Variants in ZNF215 observed in about 807,000 individuals in gnomAD.
The protein encoded by ZNF215 is zinc finger protein 215.
Under a neutral mutation model 27.2 loss-of-function variants are expected in ZNF215, and 24 were observed. The observed-to-expected ratio is 0.88, with a 90% CI of 0.64 to 1.24. The LOEUF (loss-of-function observed/expected upper bound fraction) is 1.24. Among genes scored for constraint, ZNF215 ranks in the 50% most tolerant of loss-of-function variants. The pLI is 0.00. For missense variants in ZNF215, 675 were observed against 605.7 expected (o/e 1.11, Z -1.20); for synonymous variants, 210 against 204.0 (o/e 1.03, Z -0.25).
intron 5 of ZNF215, among the ~76,000 whole-genome samples, chr11:6,980,246 T>C (rs1213817306): frequency 1.3e-5 from 2 of 152,078 alleles, no homozygotes; most frequent in African/African-American, 4.8e-5. Flanking sequence ...ATACAGCTTA[T>C]TTTGCTACAA....
intron 6 of ZNF215, among the ~76,000 whole-genome samples, chr11:6,952,117 A>G (rs375721460): frequency 8.0e-4 from 122 of 152,018 alleles, no homozygotes; most frequent in Admixed American, 3.8e-3. Flanking sequence ...TATAATTTCT[A>G]TTCTTTTACA....
chr11:6,944,410 T>A (rs1018619321), intron 6 of ZNF215, among the ~76,000 whole-genome samples: 30 of 151,142 alleles, frequency 2.0e-4, no homozygotes, highest in African/African-American at 6.5e-4. Context: ...TTTTTTTTTT[T>A]AAACTGTATC....
intron 6 of ZNF215, among the ~76,000 whole-genome samples, chr11:6,955,417 C>G (rs1296027959): frequency 6.6e-6 from 1 of 152,168 alleles, no homozygotes; most frequent in Non-Finnish European, 1.5e-5. Context: ...TATGATATGC[C>G]ACCCGCATCC....
intron 6 of ZNF215, among the ~76,000 whole-genome samples, chr11:6,945,980 T>C (rs1452484399): frequency 6.6e-6 from 1 of 152,190 alleles, no homozygotes; most frequent in African/African-American, 2.4e-5. Flanking sequence ...TTTCCCTTTC[T>C]ACTCTTCTAT....
chr11:6,930,427 A>C (rs60372070), intron 2 of ZNF215, among the ~76,000 whole-genome samples: 14,964 of 152,196 alleles, frequency 0.098, 1,271 homozygotes, highest in African/African-American at 0.23. Flanking sequence ...CTCCAACTCT[A>C]ATCCATTATC....
chr11:6,961,203 G>A (rs577387834), downstream of ZNF215, among the ~76,000 whole-genome samples: 1 of 152,220 alleles, frequency 6.6e-6, no homozygotes, highest in South Asian at 2.1e-4. Flanking sequence ...TGCCAAGCCT[G>A]TAACTCTTAA....
downstream of ZNF215, among the ~76,000 whole-genome samples, chr11:6,986,851 A>C (rs981643117): frequency 6.6e-6 from 1 of 151,920 alleles, no homozygotes; most frequent in Middle Eastern, 3.2e-3. Flanking sequence ...AAAAACAAAA[A>C]CAAAAACAAA....
intron 6 of ZNF215, among the ~76,000 whole-genome samples, chr11:6,944,337 TAAAGA>T (rs1382383207): frequency 5.9e-5 from 9 of 151,574 alleles, no homozygotes; most frequent in African/African-American, 2.2e-4. Flanking sequence ...TTCTTTATTT[TAAAGA>T]AAAGAAGTCA....
chr11:6,991,991 T>C (rs1274399512), downstream of ZNF215, among the ~76,000 whole-genome samples: 2 of 152,172 alleles, frequency 1.3e-5, no homozygotes, highest in African/African-American at 4.8e-5. Context: ...GTCACTCTTC[T>C]TCCTTAATAG....
At chr11:6,937,833 T>G (rs1315879218) in intron 3 of ZNF215, among the ~76,000 whole-genome samples, 3 of 151,934 alleles carry the variant, frequency 2.0e-5, no homozygotes, top group Non-Finnish European at 4.4e-5. Context: ...CCTCATATCA[T>G]GTACAAAAAT....
At chr11:6,928,698 G>T (rs1455906450) in intron 2 of ZNF215, among the ~76,000 whole-genome samples, 1 of 151,912 alleles carries the variant, frequency 6.6e-6, no homozygotes, top group Admixed American at 6.6e-5. Context: ...TTTCTGTTTT[G>T]TCTTTGACAT....
chr11:6,955,927 C>G lies in ZNF215; in HGVS notation c.950C>G (p.Ser317Ter), dbSNP rs771864858. ...KKSFDINSVS[S>*]ICAIQVGIPS... ...AGCTTTGATATTAATTCAGTTAGCT[C>G]AATTTGTGCTATACAAGTGGGAATT... Residue 317 changes from serine to a stop codon, truncating the protein, a stop_gained, in exon 7 of 7, where the codon TCA becomes TGA. Transcript: ENST00000278319. LOFTEE classifies it low-confidence loss of function (END_TRUNC). The G allele has an allele frequency of 3.7e-6, 6 of 1,612,310 alleles. No homozygotes were observed. Among genetic ancestry groups the G allele is most frequent in the South Asian group, 2.2e-5 (2 of 90,526 alleles).
intron 6 of ZNF215, among the ~76,000 whole-genome samples, chr11:6,954,449 C>G (rs1190059696): frequency 6.6e-6 from 1 of 152,218 alleles, no homozygotes; most frequent in Non-Finnish European, 1.5e-5. Flanking sequence ...TGGCGGGAGC[C>G]CCTCCCCCAG....
chr11:6,978,465 C>T (rs937611421), intron 5 of ZNF215, among the ~76,000 whole-genome samples: 4 of 151,812 alleles, frequency 2.6e-5, no homozygotes, highest in Admixed American at 6.6e-5. Context: ...ATTTAGGAGC[C>T]GAGTTGAAAA....
intron 3 of ZNF215, among the ~76,000 whole-genome samples, chr11:6,935,099 A>G (rs913282508): frequency 1.3e-5 from 2 of 152,214 alleles, no homozygotes; most frequent in Non-Finnish European, 2.9e-5. Context: ...AAAACATTTC[A>G]TGGAAAATGT....
At chr11:6,941,520 T>G in intron 3 of ZNF215, 51 bp from the exon 4 acceptor site, 1 of 1,517,604 alleles carries the variant, frequency 6.6e-7, no homozygotes, top group South Asian at 1.2e-5. Flanking sequence ...TTATTAGAAG[T>G]TGCTCCAGGG....
At chr11:6,961,776 A>G (rs971299928), downstream of ZNF215, among the ~76,000 whole-genome samples, 6 of 152,114 alleles carry the variant, frequency 3.9e-5, no homozygotes, top group Non-Finnish European at 5.9e-5. Context: ...CATATTTAAA[A>G]ATCATTTTTT....
chr11:6,928,710 T>C (rs1036597731), intron 2 of ZNF215, among the ~76,000 whole-genome samples: 2 of 152,238 alleles, frequency 1.3e-5, no homozygotes, highest in Admixed American at 1.3e-4. Flanking sequence ...CTTTGACATA[T>C]GGCCTGTGAG....
At chr11:6,934,259 CAAA>C (rs1342660413) in intron 3 of ZNF215, among the ~76,000 whole-genome samples, 1 of 151,958 alleles carries the variant, frequency 6.6e-6, no homozygotes, top group East Asian at 1.9e-4. Flanking sequence ...AATGGTATAA[CAAA>C]AAGGTCACAT....
Sources: allele counts gnomAD v4.1 joint callset (sites outside exome capture counted in the v4.1 genomes callset), GRCh38; gene constraint gnomAD v4.1.1; transcripts MANE v1.5; gene names NCBI Gene and HGNC (gene_info 2026-07-23, HGNC 2026-07-21).